CSAD: variants seen among roughly 807,000 people sequenced by gnomAD.
The protein encoded by CSAD is P-selectin cytoplasmic tail-associated protein.
A neutral mutation model predicts 61.5 loss-of-function variants in CSAD; 47 were observed. The observed-to-expected ratio is 0.76, with a 90% CI of 0.60 to 0.97. CSAD has a LOEUF of 0.97. Among genes scored for constraint, CSAD ranks in the 50% least tolerant of loss-of-function variants. The pLI is 0.00. For synonymous variants in CSAD, 245 were observed against 252.7 expected (o/e 0.97, Z 0.29); for missense variants, 611 against 643.6 (o/e 0.95, Z 0.55).
intron 6 of CSAD, 110 bp downstream of exon 6, chr12:53,172,236 C>G: frequency 9.4e-7 from 1 of 1,062,922 alleles, no homozygotes; most frequent in Non-Finnish European, 1.5e-6. Context: ...ACAGGGATTC[C>G]CAGAAGCAGT....
At chr12:53,169,941 G>A (rs1940359555) in intron 10 of CSAD, 131 bp downstream of exon 10, 3 of 778,892 alleles carry the variant, frequency 3.9e-6, no homozygotes, top group Admixed American at 4.2e-5. Context: ...GGCTCTCCAT[G>A]GTCACTTCAG....
intron 10 of CSAD, among the ~76,000 whole-genome samples, chr12:53,164,053 T>G (rs1939605248): frequency 6.6e-6 from 1 of 152,236 alleles, no homozygotes; most frequent in African/African-American, 2.4e-5. Flanking sequence ...GATATCCACA[T>G]GCAAACAATG....
intron 1 of CSAD, chr12:53,180,250 A>G (rs953246138): frequency 2.0e-5 from 20 of 985,284 alleles, no homozygotes; most frequent in Non-Finnish European, 2.4e-5. Flanking sequence ...GACGGAAAAA[A>G]TTCGGAGAAG....
In CSAD at chr12:53,173,669, T is replaced by G; in HGVS notation, c.-7+59A>C. 5 of 1,448,916 alleles carry G rather than the reference T, an allele frequency of 3.5e-6. 1 individual carries two copies. Among genetic ancestry groups the G allele is most frequent in the South Asian group, 1.2e-5 (1 of 86,586 alleles). 89.8% of individuals were successfully genotyped at this position (1,448,916 alleles called of 1,614,324 possible). On this transcript the variant is annotated intron_variant, in intron 3 of 16. Transcript: ENST00000444623. ...GGAACAGGTGGGAGAGAAAAGGCAG[T>G]CAGTGCTGAGCAAGTGGACTCTAGT... is the stretch of plus-strand genomic sequence containing the variant.
At chr12:53,170,831 G>A (rs1038305286) in intron 8 of CSAD, 45 of 383,626 alleles carry the variant, frequency 1.2e-4, no homozygotes, top group South Asian at 5.2e-4. Context: ...AGCAATTCTC[G>A]TGCCTCAGCC....
At chr12:53,180,266 C>A in intron 1 of CSAD, 1 of 985,438 alleles carries the variant, frequency 1.0e-6, no homozygotes, top group Non-Finnish European at 1.2e-6. Context: ...AGAAGAACCA[C>A]CTCGGCCGAG....
rs1169569005 is a variant in CSAD at position 53,158,224 on chromosome 12, T to C, written c.*287A>G. 1 of 238,016 alleles carries C rather than the reference T, an allele frequency of 4.2e-6. No homozygotes were observed. The highest frequency in any genetic ancestry group is 8.3e-6 in the Non-Finnish European group (1 of 120,050). 14.7% of individuals were successfully genotyped at this position (238,016 alleles called of 1,614,324 possible). ...TGCAATCTCGGCTCACTGCAACCTC[T>C]GCCCCCTGGGTTCAAGCAATTCTGC... is the stretch of plus-strand genomic sequence containing the variant. On this transcript the variant is annotated 3_prime_UTR_variant, in exon 17 of 17. Coordinates refer to ENST00000444623, the MANE Select transcript of CSAD (RefSeq NM_001244705.2).
chr12:53,168,479 G>A (rs1940178042), intron 10 of CSAD, among the ~76,000 whole-genome samples: 1 of 152,008 alleles, frequency 6.6e-6, no homozygotes, highest in Admixed American at 6.6e-5. Flanking sequence ...GCTACTCAGA[G>A]GTAACATCCA....
In CSAD at chr12:53,180,717, T is replaced by G; in HGVS notation, c.-91+15A>C. On this transcript the variant is annotated intron_variant, in intron 1 of 16. Transcript: ENST00000444623. ...TTCCGGGGAAACGGGCCGGGGTTGG[T>G]GTTTGTAAACTTGCCTCGGTCCCGG... 7.9e-7 allele frequency: 1 copy of G among 1,267,612 alleles called. No homozygotes were observed. The highest frequency in any genetic ancestry group is 1.0e-6 in the Non-Finnish European group (1 of 978,328). 78.5% of individuals were successfully genotyped at this position (1,267,612 alleles called of 1,614,324 possible).
At chr12:53,179,715 G>GTTTTTTT (rs11401485) in intron 1 of CSAD, 4 of 1,151,474 alleles carry the variant, frequency 3.5e-6, no homozygotes, top group African/African-American at 3.3e-5. Flanking sequence ...TCATCATACA[G>GTTTTTTT]TTTTTTTTTT....
In CSAD at chr12:53,171,386, C is replaced by A. The variant is rs771256267; in HGVS notation, c.507G>T (p.Pro169=). 1 of 1,613,856 alleles carries A rather than the reference C, an allele frequency of 6.2e-7. No homozygotes were observed. Among genetic ancestry groups the A allele is most frequent in the Admixed American group, 1.7e-5 (1 of 59,996 alleles). The change falls in exon 8 of 17, where the codon CCG becomes CCT. Residue 169 remains proline (P), a synonymous_variant. Transcript: ENST00000444623. ...AVNLARYQRY[P]DCKQRGLRTL... is the part of the protein sequence containing the mutation. ...TGCGGAGGCCCCTCTGCTTGCAATC[C>A]GGGTAGCGCTGATAGCGGGCCAGAT...
rs747218985 is a variant in CSAD, at chr12:53,173,452, G to T, written c.19C>A (p.Leu7Ile). ...ACTGGGTCCCCAGCAAGGGAGGGGA[G>T]TGCTTCTGAGTCAGCCATCAGGATC... The part of the protein sequence containing the change: MADSEA[L>I]PSLAGDPVAV... The change falls in exon 4 of 17, where the codon CTC (leucine) becomes ATC (isoleucine). Residue 7 changes from leucine to isoleucine, a missense_variant. Coordinates refer to ENST00000444623, the MANE Select transcript of CSAD (RefSeq NM_001244705.2). 5 of 1,614,200 alleles carry T rather than the reference G, an allele frequency of 3.1e-6. No individual in the cohort carries two copies. Among genetic ancestry groups the T allele is most frequent in the Non-Finnish European group, 4.2e-6 (5 of 1,180,030 alleles).
rs749791441 is a variant in CSAD at position 53,173,380 on chromosome 12, C to T, written c.91G>A (p.Glu31Lys). Residue 31 changes from glutamate to lysine, a missense_variant, in exon 4 of 17, where the codon GAG becomes AAG. Transcript: ENST00000444623. ...ACACTGGTTCCTTTCTGAATGGCCT[C>T]ATCCACAACAACCCCAAACACGGCC... is the stretch of plus-strand genomic sequence containing the variant. The part of the protein sequence containing the change: ...LRAVFGVVVD[E>K]AIQKGTSVSQ... 1 of 1,614,220 alleles carries T rather than the reference C, an allele frequency of 6.2e-7. No individual in the cohort carries two copies. The highest frequency in any genetic ancestry group is 1.1e-5 in the South Asian group (1 of 91,086).
intron 13 of CSAD, 34 bp downstream of exon 13, chr12:53,160,729 G>A (rs1939180717): frequency 6.6e-7 from 1 of 1,513,116 alleles, no homozygotes; most frequent in Admixed American, 2.0e-5. Context: ...TCCAGAGAGA[G>A]GTGGGGCTGG....
chr12:53,167,866 C>T (rs184187630), intron 10 of CSAD, among the ~76,000 whole-genome samples: 1 of 152,282 alleles, frequency 6.6e-6, no homozygotes, highest in East Asian at 1.9e-4. Context: ...CAGCCAATTC[C>T]ACTCCTAGGT....
chr12:53,176,007 G>C (rs1941075048), intron 2 of CSAD, among the ~76,000 whole-genome samples: 1 of 152,056 alleles, frequency 6.6e-6, no homozygotes, highest in East Asian at 1.9e-4. Flanking sequence ...TGCATCACAG[G>C]TCCGTGTGGC....
chr12:53,158,629 T>C lies in CSAD; in HGVS notation c.1364A>G (p.Tyr455Cys), dbSNP rs1025270726. Residue 455 changes from tyrosine to cysteine, a missense_variant, in exon 17 of 17, where the codon TAC becomes TGC. By Grantham distance (194) the Tyr-to-Cys change is radical. Coordinates refer to ENST00000444623, the MANE Select transcript of CSAD (RefSeq NM_001244705.2). Reference protein sequence around the residue: ...MVKEGSMMIGYQPHGTRGNFF... With the variant: ...MVKEGSMMIGCQPHGTRGNFF... ...GTTGCCCCGGGTCCCGTGGGGCTGG[T>C]AGCCAATCATCATGGAGCCCTCCTT... The C allele has an allele frequency of 1.2e-6, 2 of 1,614,186 alleles. No individual in the cohort carries two copies. Among genetic ancestry groups the C allele is most frequent in the Non-Finnish European group, 1.7e-6 (2 of 1,180,028 alleles).
chr12:53,170,558 G>A, intron 8 of CSAD, 56 bp from the exon 9 acceptor site: 4 of 1,390,972 alleles, frequency 2.9e-6, no homozygotes, highest in Non-Finnish European at 4.1e-6. Context: ...GGGGAGAGAA[G>A]GTAAAAGTCA....
intron 1 of CSAD, 57 bp downstream of exon 1, chr12:53,180,674 AG>A: frequency 7.8e-7 from 1 of 1,277,194 alleles, no homozygotes; most frequent in Admixed American, 2.4e-5. Flanking sequence ...GGAGAGGACG[AG>A]GGGGAGGGGG....
Sources: allele counts gnomAD v4.1 joint callset (sites outside exome capture counted in the v4.1 genomes callset), GRCh38; gene constraint gnomAD v4.1.1; transcripts MANE v1.5; gene names NCBI Gene and HGNC (gene_info 2026-07-23, HGNC 2026-07-21).